Variants in ISM1 observed in about 807,000 individuals in gnomAD.
The protein encoded by ISM1 is isthmin 1, also known as isthmin-1.
A neutral mutation model predicts 46.3 loss-of-function variants in ISM1; 25 were observed. The ratio of observed to expected loss-of-function variants is 0.54; its 90% confidence interval spans 0.39 to 0.75. The LOEUF (loss-of-function observed/expected upper bound fraction) is 0.75, where lower values mean the gene tolerates loss of function less well. ISM1 is among the 30% of genes least tolerant of loss of function. The pLI, the probability that ISM1 is intolerant of heterozygous loss-of-function variation, is 0.00. For missense variants in ISM1, 536 were observed against 625.4 expected (o/e 0.86, Z 1.52); for synonymous variants, 255 against 256.7 (o/e 0.99, Z 0.06).
the ISM1 span, among the ~76,000 whole-genome samples, chr20:13,326,468 T>C: frequency 2.0e-5 from 3 of 152,182 alleles, no homozygotes; most frequent in African/African-American, 7.2e-5. Flanking sequence ...CCAGCATCAA[T>C]ATGTGAGTGT....
At chr20:13,319,660 T>C in the ISM1 span, among the ~76,000 whole-genome samples, 1 of 152,240 alleles carries the variant, frequency 6.6e-6, no homozygotes, top group East Asian at 1.9e-4. Flanking sequence ...CTAAGGTTGC[T>C]ATAATGCCTA....
At chr20:13,252,935 C>A (rs947252280) in intron 1 of ISM1, among the ~76,000 whole-genome samples, 1 of 152,192 alleles carries the variant, frequency 6.6e-6, no homozygotes, top group South Asian at 2.1e-4. Flanking sequence ...CCCCAGCCCC[C>A]CCTCTCAGAT....
chr20:13,300,937 T>C (rs1417858169), downstream of ISM1, among the ~76,000 whole-genome samples: 1 of 152,184 alleles, frequency 6.6e-6, no homozygotes, highest in Non-Finnish European at 1.5e-5. Flanking sequence ...GCAGGGCCAC[T>C]TCCACAGAAA....
intron 1 of ISM1, among the ~76,000 whole-genome samples, chr20:13,230,177 T>G (rs1462915604): frequency 1.3e-5 from 2 of 152,228 alleles, no homozygotes; most frequent in Non-Finnish European, 2.9e-5. Context: ...ATAATCTCAA[T>G]AACATTTTCC....
rs188086381 is a variant in ISM1, at chr20:13,278,145, C to T, written c.379-1489C>T. The stretch of plus-strand genomic sequence containing the variant: ...TCCAGGGGGTGTTGCAAGAGCTATG[C>T]GATGGCCAAAGGAACCCAATGCGTC... On this transcript the variant is annotated intron_variant, in intron 2 of 5. Transcript: ENST00000262487. Among the ~76,000 whole-genome samples the T allele has an allele frequency of 1.5e-4, 23 of 152,274 alleles. No individual in the cohort carries two copies. In the East Asian group the frequency reaches 3.7e-3, roughly 24 times the overall value.
Position 13,279,893 on chromosome 20 carries a change from A to C in ISM1, c.638A>C (p.Glu213Ala). The change falls in exon 3 of 6, where the codon GAA becomes GCA. Residue 213 changes from glutamate to alanine, a missense_variant. Around this residue, in one of 2 missense-constraint regions of ISM1, gnomAD observed 367 missense variants for 376.1 expected, o/e 0.98. Coordinates refer to ENST00000262487, the MANE Select transcript of ISM1 (RefSeq NM_080826.2). ...ACTTTTGAAACCAAAGATCAGCCAG[A>C]ATATGGTGAGTTTACCACCTAGTAA... ...HRTFETKDQP[E>A]YDSTDGEGDW... The C allele has an allele frequency of 6.2e-7, 1 of 1,613,852 alleles. No individual in the cohort carries two copies.
intron 1 of ISM1, among the ~76,000 whole-genome samples, chr20:13,227,729 C>T (rs1191546557): frequency 6.6e-6 from 1 of 151,682 alleles, no homozygotes; most frequent in Non-Finnish European, 1.5e-5. Flanking sequence ...AGGATGGTCT[C>T]GATCTCCTGA....
the ISM1 span, among the ~76,000 whole-genome samples, chr20:13,310,013 A>G: frequency 6.6e-6 from 1 of 152,204 alleles, no homozygotes; most frequent in Non-Finnish European, 1.5e-5. Flanking sequence ...TGTCCATATT[A>G]CCCAAAGCAA....
intron 4 of ISM1, among the ~76,000 whole-genome samples, chr20:13,291,522 A>AC (rs1158919978): frequency 6.6e-6 from 1 of 152,170 alleles, no homozygotes; most frequent in African/African-American, 2.4e-5. Context: ...GCCAAGGCTC[A>AC]CCAGCAAATG....
intron 2 of ISM1, among the ~76,000 whole-genome samples, chr20:13,276,765 A>G (rs1359943213): frequency 6.6e-6 from 1 of 152,212 alleles, no homozygotes; most frequent in East Asian, 1.9e-4. Flanking sequence ...AAAAGCATGT[A>G]AATAGAATGA....
chr20:13,274,209 A>T (rs2040148752), intron 2 of ISM1, among the ~76,000 whole-genome samples: 1 of 152,116 alleles, frequency 6.6e-6, no homozygotes, highest in Admixed American at 6.5e-5. Flanking sequence ...GCTTTCTACA[A>T]GGAGGTGATG....
chr20:13,270,861 C>T, intron 2 of ISM1, 118 bp downstream of exon 2: 1 of 920,160 alleles, frequency 1.1e-6, no homozygotes, highest in Non-Finnish European at 1.7e-6. Context: ...TTAATGATTC[C>T]TGCTTAAGAT....
At position 13,283,568 on chromosome 20, in the gene ISM1, G is replaced by A. The variant is rs567023596; in HGVS notation, c.643+3670G>A. On this transcript the variant is annotated intron_variant, in intron 3 of 5. Coordinates refer to ENST00000262487, the MANE Select transcript of ISM1 (RefSeq NM_080826.2). ...ACAGAAGACAGACCCCACTTGTGAT[G>A]ATGAAAACACAGATGAGATGATGCT... 9.2e-5 allele frequency among the ~76,000 whole-genome samples: 14 copies of A among 152,340 alleles called. No homozygotes were observed. The South Asian group carries it at 2.5e-3, about 27-fold the overall frequency.
chr20:13,309,037 T>C, the ISM1 span, among the ~76,000 whole-genome samples: 1 of 152,208 alleles, frequency 6.6e-6, no homozygotes, highest in Non-Finnish European at 1.5e-5. Context: ...TATAGGCCAC[T>C]CAGTCTATGG....
intron 5 of ISM1, among the ~76,000 whole-genome samples, chr20:13,295,950 G>A (rs1209425636): frequency 6.6e-6 from 1 of 152,214 alleles, no homozygotes; most frequent in Non-Finnish European, 1.5e-5. Context: ...GCTGTCACAC[G>A]GCCCTGACAT....
At chr20:13,242,241 A>T (rs1245495682) in intron 1 of ISM1, among the ~76,000 whole-genome samples, 2 of 152,226 alleles carry the variant, frequency 1.3e-5, no homozygotes, top group African/African-American at 4.8e-5. Context: ...AAAGGACAAC[A>T]GGAGGTCAAT....
chr20:13,225,157 C>T (rs2039507832), intron 1 of ISM1, among the ~76,000 whole-genome samples: 1 of 152,010 alleles, frequency 6.6e-6, no homozygotes, highest in South Asian at 2.1e-4. Context: ...CCGGCCCATA[C>T]TAGCTTTCTT....
In ISM1 at chr20:13,300,236, G is replaced by A. The variant is rs2040446664; in HGVS notation, c.*777G>A. 2 of 152,160 alleles carry A rather than the reference G, an allele frequency of 1.3e-5. No individual in the cohort carries two copies. The highest frequency in any genetic ancestry group is 2.1e-4 in the South Asian group (1 of 4,824). 9.4% of individuals were successfully genotyped at this position (152,160 alleles called of 1,614,324 possible). ...CCAAAACAGTAGAATTTCTGCTCATGTCCTAGCAGGTTCAGAAGACTGCAG... is the reference window on the plus strand; with the variant it reads ...CCAAAACAGTAGAATTTCTGCTCATATCCTAGCAGGTTCAGAAGACTGCAG... On this transcript the variant is annotated 3_prime_UTR_variant, in exon 6 of 6. Transcript: ENST00000262487.
At chr20:13,279,538 T>C (rs552268860) in intron 2 of ISM1, 96 bp from the exon 3 acceptor site, 11 of 1,235,844 alleles carry the variant, frequency 8.9e-6, no homozygotes, top group Middle Eastern at 2.2e-4. Flanking sequence ...GATGCATCCA[T>C]CATTTCCCTC....
Sources: allele counts gnomAD v4.1 joint callset (sites outside exome capture counted in the v4.1 genomes callset), GRCh38; gene constraint gnomAD v4.1.1; regional missense constraint gnomAD v4.1.1; transcripts MANE v1.5; gene names NCBI Gene and HGNC (gene_info 2026-07-23, HGNC 2026-07-21).